LUZP2: variants seen among roughly 807,000 people sequenced by gnomAD.
The protein encoded by LUZP2 is leucine zipper protein 2.
In LUZP2, 52 loss-of-function variants were observed where a neutral mutation model predicts 51.6. The observed-to-expected ratio is 1.01, with a 90% CI of 0.81 to 1.27. The LOEUF (loss-of-function observed/expected upper bound fraction) is 1.27, where lower values mean the gene tolerates loss of function less well. Among genes scored for constraint, LUZP2 ranks in the 50% most tolerant of loss-of-function variants. The probability of loss-of-function intolerance (pLI) is 0.00; values close to 1 mark genes in which losing one functional copy is unlikely to be tolerated. For missense variants in LUZP2, 436 were observed against 395.4 expected (o/e 1.10, Z -0.87); for synonymous variants, 154 against 137.3 (o/e 1.12, Z -0.85).
rs1271559823 is a variant in LUZP2, at chr11:24,675,720, G to A, written c.63-53449G>A. On this transcript the variant is annotated intron_variant, in intron 1 of 11. Coordinates refer to ENST00000336930, the MANE Select transcript of LUZP2 (RefSeq NM_001009909.4). Reference sequence around the variant, plus strand: ...GATACATTCAAGAAAAACCTGATTGGTCCTTATTATTACTATTAATATGTC... The same window carrying A: ...GATACATTCAAGAAAAACCTGATTGATCCTTATTATTACTATTAATATGTC... 2.6e-5 allele frequency among the ~76,000 whole-genome samples: 4 copies of A among 151,474 alleles called. No homozygotes were observed. In the East Asian group the frequency reaches 7.7e-4, roughly 29 times the overall value.
intron 1 of LUZP2, among the ~76,000 whole-genome samples, chr11:24,676,857 G>C (rs113694209): frequency 0.19 from 28,260 of 151,814 alleles, 2,723 homozygotes; most frequent in East Asian, 0.33. Flanking sequence ...AGTAGAGACG[G>C]GGTTTCTCCA....
At chr11:24,619,965 A>G (rs1330110405) in intron 1 of LUZP2, among the ~76,000 whole-genome samples, 1 of 152,126 alleles carries the variant, frequency 6.6e-6, no homozygotes, top group African/African-American at 2.4e-5. Context: ...TTGTTTAAGC[A>G]TTTTGGATCT....
chr11:24,926,453 G>A lies in LUZP2; in HGVS notation c.522+11915G>A, dbSNP rs1159186918. On this transcript the variant is annotated intron_variant, in intron 7 of 11. Coordinates refer to ENST00000336930, the MANE Select transcript of LUZP2 (RefSeq NM_001009909.4). The stretch of plus-strand genomic sequence containing the variant: ...TATATATATACGTGTATATATGTGT[G>A]TGTATATATATACGTGTATATATGT... Among the ~76,000 whole-genome samples, 2 of 143,860 alleles carry A rather than the reference G, an allele frequency of 1.4e-5. 1 individual carries two copies. The highest frequency in any genetic ancestry group is 5.1e-5 in the African/African-American group (2 of 38,934). 94.4% of individuals were successfully genotyped at this position (143,860 alleles called of 152,430 possible). A position where few individuals can be genotyped will look rare whatever the true frequency, so the allele number is the denominator to read the frequency against.
intron 1 of LUZP2, among the ~76,000 whole-genome samples, chr11:24,648,385 A>T (rs1855525070): frequency 6.6e-6 from 1 of 151,836 alleles, no homozygotes; most frequent in South Asian, 2.1e-4. Flanking sequence ...TACTGTCTCT[A>T]ATATATACTA....
chr11:24,713,811 C>T (rs1401488750), intron 1 of LUZP2, among the ~76,000 whole-genome samples: 2 of 150,226 alleles, frequency 1.3e-5, no homozygotes, highest in Non-Finnish European at 3.0e-5. Flanking sequence ...TCCTCAGCCT[C>T]CTGAGTAGCT....
chr11:24,542,733 AT>A (rs1403604668), intron 1 of LUZP2, among the ~76,000 whole-genome samples: 1 of 121,060 alleles, frequency 8.3e-6, no homozygotes, highest in Non-Finnish European at 1.7e-5. Flanking sequence ...AATCACTTTT[AT>A]TCAAAAAAAA....
At chr11:24,935,571 C>T (rs993986719) in intron 7 of LUZP2, among the ~76,000 whole-genome samples, 3 of 152,030 alleles carry the variant, frequency 2.0e-5, no homozygotes, top group Non-Finnish European at 4.4e-5. Flanking sequence ...AATTACTTCT[C>T]AGGGATTTAC....
chr11:24,586,855 A>C (rs1014212685), intron 1 of LUZP2, among the ~76,000 whole-genome samples: 1 of 152,260 alleles, frequency 6.6e-6, no homozygotes, highest in African/African-American at 2.4e-5. Context: ...TTTCTAGAAT[A>C]TTATTAATGC....
intron 1 of LUZP2, among the ~76,000 whole-genome samples, chr11:24,656,427 C>T (rs7112069): frequency 0.011 from 1,690 of 152,152 alleles, 29 homozygotes; most frequent in East Asian, 0.049. Context: ...ATTATTGTAT[C>T]GGTTTTCTAT....
chr11:24,658,442 T>C (rs1315147052), intron 1 of LUZP2, among the ~76,000 whole-genome samples: 1 of 152,176 alleles, frequency 6.6e-6, no homozygotes, highest in Non-Finnish European at 1.5e-5. Flanking sequence ...GATTAAAGAC[T>C]TAAATGTTAG....
At chr11:24,939,925 A>T (rs1565136754) in intron 7 of LUZP2, among the ~76,000 whole-genome samples, 1 of 152,038 alleles carries the variant, frequency 6.6e-6, no homozygotes, top group Admixed American at 6.6e-5. Flanking sequence ...GTTCCTGGGC[A>T]TGACTTATCC....
At chr11:24,851,839 G>A (rs770558419) in intron 5 of LUZP2, among the ~76,000 whole-genome samples, 2 of 151,996 alleles carry the variant, frequency 1.3e-5, no homozygotes, top group African/African-American at 2.4e-5. Flanking sequence ...TCCTCATTTC[G>A]TCTTGGGAGG....
intron 9 of LUZP2, among the ~76,000 whole-genome samples, chr11:25,008,437 A>T (rs546338072): frequency 5.3e-5 from 8 of 152,164 alleles, no homozygotes; most frequent in Non-Finnish European, 1.2e-4. Context: ...GGCGTGTTCC[A>T]GCTTGTTTGT....
chr11:24,592,752 T>G (rs1481984313), intron 1 of LUZP2, among the ~76,000 whole-genome samples: 1 of 152,010 alleles, frequency 6.6e-6, no homozygotes, highest in Non-Finnish European at 1.5e-5. Context: ...TGACATAAAT[T>G]TATTGGCAAT....
At chr11:24,602,214 A>ATGTACATATATG (rs1853725700) in intron 1 of LUZP2, among the ~76,000 whole-genome samples, 1 of 100,984 alleles carries the variant, frequency 9.9e-6, no homozygotes, top group African/African-American at 3.1e-5. Context: ...ATGTGTATAT[A>ATGTACATATATG]TGTATATATG....
intron 9 of LUZP2, among the ~76,000 whole-genome samples, chr11:24,989,320 G>A (rs2133923515): frequency 6.6e-6 from 1 of 152,068 alleles, no homozygotes; most frequent in South Asian, 2.1e-4. Context: ...CATGTTGGTG[G>A]ACTGTATTTT....
At chr11:24,686,447 A>T (rs1565076705) in intron 1 of LUZP2, among the ~76,000 whole-genome samples, 1 of 152,168 alleles carries the variant, frequency 6.6e-6, no homozygotes. Context: ...CACCTTAAAT[A>T]TGTCCTCAGA....
intron 7 of LUZP2, among the ~76,000 whole-genome samples, chr11:24,927,513 ATGTTT>A (rs1464059511): frequency 6.6e-6 from 1 of 151,478 alleles, no homozygotes; most frequent in Non-Finnish European, 1.5e-5. Flanking sequence ...TCCCCACTTT[ATGTTT>A]TGTTTGCTTT....
chr11:24,807,465 GAA>G lies in LUZP2; in HGVS notation c.396+44170_396+44171del, dbSNP rs56048182. On this transcript the variant is annotated intron_variant, in intron 5 of 11. Transcript: ENST00000336930. ...GACAGAGTAAGACTCCATCTCAAAA[GAA>G]AAAAAAAAAAAAGTCAGGTTAAACA... is the stretch of plus-strand genomic sequence containing the variant. Among the ~76,000 whole-genome samples the G allele has an allele frequency of 2.9e-5, 4 of 139,522 alleles. No homozygotes were observed. In the East Asian group the frequency reaches 6.3e-4, roughly 22 times the overall value. 91.5% of individuals were successfully genotyped at this position (139,522 alleles called of 152,430 possible).
Sources: allele counts gnomAD v4.1 joint callset (sites outside exome capture counted in the v4.1 genomes callset), GRCh38; gene constraint gnomAD v4.1.1; transcripts MANE v1.5; gene names NCBI Gene and HGNC (gene_info 2026-07-23, HGNC 2026-07-21).